Variants in FBXO15 observed in about 807,000 individuals in gnomAD.
The protein encoded by FBXO15 is F-box only protein 15.
In FBXO15, 30 loss-of-function variants were observed where a neutral mutation model predicts 49.5. The observed-to-expected ratio is 0.61, with a 90% confidence interval of 0.45 to 0.82. The LOEUF (loss-of-function observed/expected upper bound fraction) is 0.82, where lower values mean the gene tolerates loss of function less well. FBXO15 is among the 40% of genes least tolerant of loss of function. The probability of loss-of-function intolerance (pLI) is 0.00; values close to 1 mark genes in which losing one functional copy is unlikely to be tolerated. For missense variants in FBXO15, 591 were observed against 631.5 expected (o/e 0.94, Z 0.69); for synonymous variants, 250 against 232.7 (o/e 1.07, Z -0.68).
chr18:74,133,673 A>G (rs1978536184), intron 3 of FBXO15, among the ~76,000 whole-genome samples: 1 of 152,236 alleles, frequency 6.6e-6, no homozygotes, highest in African/African-American at 2.4e-5. Context: ...TGCAGGCTAT[A>G]CAAGGAGCAC....
intron 3 of FBXO15, among the ~76,000 whole-genome samples, chr18:74,132,707 C>G (rs892442443): frequency 6.6e-6 from 1 of 152,162 alleles, no homozygotes; most frequent in Non-Finnish European, 1.5e-5. Flanking sequence ...GATTCGAGGA[C>G]GAGGGCATAT....
intron 8 of FBXO15, among the ~76,000 whole-genome samples, chr18:74,096,097 C>G (rs1913260690): frequency 6.6e-6 from 1 of 152,112 alleles, no homozygotes; most frequent in African/African-American, 2.4e-5. Context: ...AGGTGGACAA[C>G]CAGCTTCCCC....
At chr18:74,123,684 T>C (rs1914569716) in intron 7 of FBXO15, among the ~76,000 whole-genome samples, 174 bp from the exon 8 acceptor site, 2 of 152,198 alleles carry the variant, frequency 1.3e-5, no homozygotes, top group African/African-American at 4.8e-5. Context: ...GACTGCTCAA[T>C]GTTACTTTTA....
At chr18:74,108,045 G>C (rs774861158) in intron 8 of FBXO15, among the ~76,000 whole-genome samples, 32 of 152,116 alleles carry the variant, frequency 2.1e-4, no homozygotes, top group Non-Finnish European at 4.1e-4. Flanking sequence ...CAAAGGACTA[G>C]AGAATGCTTA....
At chr18:74,105,080 C>T (rs1417496440) in intron 8 of FBXO15, among the ~76,000 whole-genome samples, 1 of 152,112 alleles carries the variant, frequency 6.6e-6, no homozygotes, top group Non-Finnish European at 1.5e-5. Flanking sequence ...ACAAATATTG[C>T]ACGTTCTCAC....
At chr18:74,136,897 A>T (rs1474321240) in intron 2 of FBXO15, among the ~76,000 whole-genome samples, 1 of 152,186 alleles carries the variant, frequency 6.6e-6, no homozygotes, top group East Asian at 1.9e-4. Flanking sequence ...TCTTTTGTCC[A>T]ATTTAAAAGG....
At chr18:74,102,058 A>G (rs1913546359) in intron 8 of FBXO15, among the ~76,000 whole-genome samples, 1 of 152,206 alleles carries the variant, frequency 6.6e-6, no homozygotes, top group African/African-American at 2.4e-5. Context: ...GGCTTAGTCA[A>G]GGATTTCATG....
chr18:74,088,379 TG>T (rs1912843751), intron 8 of FBXO15, among the ~76,000 whole-genome samples: 1 of 152,248 alleles, frequency 6.6e-6, no homozygotes, highest in Non-Finnish European at 1.5e-5. Flanking sequence ...GATTTTTATA[TG>T]TGGTGTAAGG....
rs1474473310 is a variant in FBXO15 at position 74,074,783 on chromosome 18, G to A, written c.1264-1053C>T. Among the ~76,000 whole-genome samples the A allele has an allele frequency of 6.6e-6, 1 of 152,214 alleles. No individual in the cohort carries two copies. The highest frequency in any genetic ancestry group is 2.4e-5 in the African/African-American group (1 of 41,446). ...AACGCTGCTTTCATTGCACATGAAT[G>A]TGTGGTCTGTATATGCCCATACCGC... On this transcript the variant is annotated intron_variant, in intron 9 of 9. Transcript: ENST00000419743. The surrounding 1 kb of genome is among the most constrained non-coding windows in gnomAD (Gnocchi z 4.7).
At chr18:74,113,187 C>T (rs770547507) in intron 8 of FBXO15, among the ~76,000 whole-genome samples, 7 of 152,036 alleles carry the variant, frequency 4.6e-5, no homozygotes, top group South Asian at 2.1e-4. Context: ...AACCGAAAGA[C>T]GCTGGTCTGA....
chr18:74,097,082 T>A (rs1392326187), intron 8 of FBXO15: 1 of 152,234 alleles, frequency 6.6e-6, no homozygotes, highest in Non-Finnish European at 1.5e-5. Context: ...AAAAGCCCTG[T>A]GGGCTCTCTG....
At chr18:74,103,061 C>T (rs1276961576) in intron 8 of FBXO15, among the ~76,000 whole-genome samples, 1 of 151,948 alleles carries the variant, frequency 6.6e-6, no homozygotes, top group African/African-American at 2.4e-5. Context: ...AAATAACTTA[C>T]TCATGTAACC....
chr18:74,135,788 C>G lies in FBXO15; in HGVS notation c.306G>C (p.Arg102Ser). Reference sequence around the variant, plus strand: ...TGTCATTGGCTAGATGATAAAAGCGCCTGCTCACACATCCAGTACACAGAA... The same window carrying G: ...TGTCATTGGCTAGATGATAAAAGCGGCTGCTCACACATCCAGTACACAGAA... ...VSLLCTGCVS[R>S]RFYHLANDNF... Residue 102 changes from arginine (R) to serine (S), a missense_variant, in exon 3 of 10, where the codon AGG (arginine) becomes AGC (serine). Coordinates refer to ENST00000419743, the MANE Select transcript of FBXO15 (RefSeq NM_001142958.2). 1 of 1,609,316 alleles carries G rather than the reference C, an allele frequency of 6.2e-7. No homozygotes were observed. The highest frequency in any genetic ancestry group is 1.3e-5 in the African/African-American group (1 of 74,614).
chr18:74,122,369 T>A (rs947502862), intron 8 of FBXO15, among the ~76,000 whole-genome samples: 1 of 152,210 alleles, frequency 6.6e-6, no homozygotes, highest in Admixed American at 6.5e-5. Flanking sequence ...AATTTCTTCA[T>A]CTGAAAATTG....
chr18:74,125,653 T>C (rs1318096925), intron 6 of FBXO15, among the ~76,000 whole-genome samples: 1 of 152,148 alleles, frequency 6.6e-6, no homozygotes, highest in African/African-American at 2.4e-5. Flanking sequence ...GAACGTGGAC[T>C]GATTGGAAGT....
At chr18:74,108,961 G>A (rs1042737937) in intron 8 of FBXO15, among the ~76,000 whole-genome samples, 7 of 152,108 alleles carry the variant, frequency 4.6e-5, no homozygotes, top group African/African-American at 1.4e-4. Context: ...TCTCTACCCT[G>A]CAAAATTATC....
intron 6 of FBXO15, 51 bp downstream of exon 6, chr18:74,125,924 T>C: frequency 1.9e-6 from 3 of 1,600,422 alleles, no homozygotes; most frequent in Non-Finnish European, 2.6e-6. Flanking sequence ...TAAGTAAATG[T>C]GGTATTGTGA....
Position 74,147,687 on chromosome 18 carries a change from G to T in FBXO15, c.99C>A (p.Ala33=), listed in dbSNP as rs1289022870. 6.7e-7 allele frequency: 1 copy of T among 1,499,206 alleles called. No homozygotes were observed. 92.9% of individuals were successfully genotyped at this position (1,499,206 alleles called of 1,614,324 possible). Residue 33 remains alanine, a synonymous_variant, in exon 1 of 10, where the codon GCC becomes GCA. Transcript: ENST00000419743. ...SRGGGAARGR[A]RAFGCRKGPG... is the part of the protein sequence containing the mutation. ...ACAGTCACCTGCACCCAAAGGCCCT[G>T]GCGCGCCCCCGGGCCGCGCCACCGC...
chr18:74,087,142 G>T (rs1014216984), intron 8 of FBXO15, among the ~76,000 whole-genome samples: 3 of 152,154 alleles, frequency 2.0e-5, no homozygotes, highest in East Asian at 3.8e-4. Flanking sequence ...TGAGCCTTCC[G>T]CAAAGCATTA....
Sources: allele counts gnomAD v4.1 joint callset (sites outside exome capture counted in the v4.1 genomes callset), GRCh38; gene constraint gnomAD v4.1.1; non-coding constraint Gnocchi (gnomAD v3.1); transcripts MANE v1.5; gene names NCBI Gene and HGNC (gene_info 2026-07-23, HGNC 2026-07-21).